Variants in BAZ2B observed in about 807,000 individuals in gnomAD.
BAZ2B encodes bromodomain adjacent to zinc finger domain 2B.
A neutral mutation model predicts 246.0 loss-of-function variants in BAZ2B; 91 were observed. The observed-to-expected ratio is 0.37, with a 90% CI of 0.31 to 0.44. The LOEUF is 0.44. Ranked by LOEUF, BAZ2B falls within the 20% of genes least tolerant of loss-of-function variation. The probability of loss-of-function intolerance (pLI) is 1.00; values close to 1 mark genes in which losing one functional copy is unlikely to be tolerated. For missense variants in BAZ2B, 2,332 were observed against 2,533.7 expected (o/e 0.92, Z 1.71); for synonymous variants, 855 against 860.0 (o/e 0.99, Z 0.10).
the BAZ2B span, among the ~76,000 whole-genome samples, chr2:159,682,912 C>G: frequency 5.3e-5 from 7 of 131,602 alleles, no homozygotes; most frequent in African/African-American, 1.9e-4. Flanking sequence ...CCACCCCTCC[C>G]CCCCCCCACA....
At chr2:159,544,293 G>T (rs1370688614) in intron 2 of BAZ2B, among the ~76,000 whole-genome samples, 3 of 152,094 alleles carry the variant, frequency 2.0e-5, no homozygotes, top group Non-Finnish European at 4.4e-5. Context: ...ATTTACTACA[G>T]GTCAAAAGTT....
intron 18 of BAZ2B, among the ~76,000 whole-genome samples, chr2:159,397,723 C>A (rs770712422): frequency 6.6e-6 from 1 of 152,094 alleles, no homozygotes; most frequent in East Asian, 1.9e-4. Context: ...ATGGTCAGAG[C>A]CTATCAGATA....
At chr2:159,329,422 T>C (rs1309175626) in intron 34 of BAZ2B, among the ~76,000 whole-genome samples, 1 of 152,116 alleles carries the variant, frequency 6.6e-6, no homozygotes, top group Non-Finnish European at 1.5e-5. Context: ...AGCTAATCCC[T>C]TGCAGATTTG....
At chr2:159,340,817 C>A (rs752621149) in intron 31 of BAZ2B, among the ~76,000 whole-genome samples, 1 of 151,918 alleles carries the variant, frequency 6.6e-6, no homozygotes, top group Non-Finnish European at 1.5e-5. Context: ...AAATATGAAA[C>A]TATAAAACTC....
At chr2:159,609,607 C>G (rs1443604372) in intron 1 of BAZ2B, among the ~76,000 whole-genome samples, 1 of 152,058 alleles carries the variant, frequency 6.6e-6, no homozygotes, top group Non-Finnish European at 1.5e-5. Context: ...GTTGTATAAT[C>G]TAGGTTTGTT....
intron 27 of BAZ2B, among the ~76,000 whole-genome samples, chr2:159,359,575 A>T (rs1271558719): frequency 6.6e-6 from 1 of 152,230 alleles, no homozygotes; most frequent in Non-Finnish European, 1.5e-5. Flanking sequence ...CCAACAATAG[A>T]AAAGGAGGGA....
chr2:159,331,569 G>GT (rs1437302138), intron 34 of BAZ2B, among the ~76,000 whole-genome samples: 1 of 152,114 alleles, frequency 6.6e-6, no homozygotes, highest in Non-Finnish European at 1.5e-5. Flanking sequence ...TAGAGATGGG[G>GT]TTTTGCCATG....
chr2:159,709,087 A>C, the BAZ2B span, among the ~76,000 whole-genome samples: 1 of 152,086 alleles, frequency 6.6e-6, no homozygotes. Flanking sequence ...ATGGACCTTT[A>C]AGTAATATAT....
At chr2:159,637,654 C>T in the BAZ2B span, among the ~76,000 whole-genome samples, 1 of 152,146 alleles carries the variant, frequency 6.6e-6, no homozygotes, top group African/African-American at 2.4e-5. Context: ...ACCTCCCACA[C>T]TCAAGCAATC....
chr2:159,524,459 CA>C (rs1268369187), intron 2 of BAZ2B, among the ~76,000 whole-genome samples: 1 of 151,922 alleles, frequency 6.6e-6, no homozygotes, highest in African/African-American at 2.4e-5. Flanking sequence ...ATCTCAAAAA[CA>C]AAACAACAAA....
At chr2:159,421,822 A>G (rs1461108376) in intron 13 of BAZ2B, among the ~76,000 whole-genome samples, 1 of 152,202 alleles carries the variant, frequency 6.6e-6, no homozygotes, top group Non-Finnish European at 1.5e-5. Context: ...AGACAATATG[A>G]TTCTATACCT....
At chr2:159,524,309 G>T (rs1013563217) in intron 2 of BAZ2B, among the ~76,000 whole-genome samples, 36 of 152,152 alleles carry the variant, frequency 2.4e-4, no homozygotes, top group African/African-American at 4.8e-4. Context: ...AATAAAATTA[G>T]CCAGGCATGG....
Position 159,392,743 on chromosome 2 carries a change from G to A in BAZ2B, c.3075+3026C>T, listed in dbSNP as rs566354538. 3.9e-5 allele frequency among the ~76,000 whole-genome samples: 6 copies of A among 152,190 alleles called. No homozygotes were observed. The South Asian group carries it at 6.2e-4, about 16-fold the overall frequency. ...GCCATGGCATATAAAAATTATTTGA[G>A]CATTTATAAATTTGCTGAATGATTA... is the stretch of plus-strand genomic sequence containing the variant. On this transcript the variant is annotated intron_variant, in intron 20 of 36. Transcript: ENST00000392783.
intron 23 of BAZ2B, among the ~76,000 whole-genome samples, chr2:159,384,045 T>C (rs542848988): frequency 1.3e-5 from 2 of 152,136 alleles, no homozygotes; most frequent in South Asian, 4.1e-4. Context: ...AGAACACACA[T>C]GGATATTTAC....
chr2:159,518,413 T>C (rs2083670902), intron 2 of BAZ2B, among the ~76,000 whole-genome samples: 2 of 152,216 alleles, frequency 1.3e-5, no homozygotes, highest in Admixed American at 1.3e-4. Context: ...ATTCTTTAAC[T>C]GGACCTGGTA....
In BAZ2B at chr2:159,385,071, A is replaced by G. The variant is rs1338723951; in HGVS notation, c.3686+84T>C. 4 of 1,420,128 alleles carry G rather than the reference A, an allele frequency of 2.8e-6. No individual in the cohort carries two copies. In the African/African-American group the frequency reaches 5.7e-5, roughly 20 times the overall value. 88.0% of individuals were successfully genotyped at this position (1,420,128 alleles called of 1,614,324 possible). A position where few individuals can be genotyped will look rare whatever the true frequency, so the allele number is the denominator to read the frequency against. Reference sequence around the variant, plus strand: ...CTTTGTGCTAGTCTGTAACTTTCCAATTTTCTATAATCAATTTGTATTACT... The same window carrying G: ...CTTTGTGCTAGTCTGTAACTTTCCAGTTTTCTATAATCAATTTGTATTACT... On this transcript the variant is annotated intron_variant, in intron 23 of 36. Coordinates refer to ENST00000392783, the MANE Select transcript of BAZ2B (RefSeq NM_013450.4).
Position 159,385,366 on chromosome 2 carries a change from T to C in BAZ2B, c.3475A>G (p.Lys1159Glu), listed in dbSNP as rs2062507329. The change falls in exon 23 of 37, where the codon AAA becomes GAA. Residue 1159 changes from lysine to glutamate, a missense_variant. Coordinates refer to ENST00000392783, the MANE Select transcript of BAZ2B (RefSeq NM_013450.4). ...DPGLITGYKAKTALGEHLLNV... is the reference protein window; with the variant it reads ...DPGLITGYKAETALGEHLLNV... Reference sequence around the variant, plus strand: ...AGCAAATGTTCTCCAAGAGCTGTTTTAGCCTATAAAAGTTTGGCATTTTTA... The same window carrying C: ...AGCAAATGTTCTCCAAGAGCTGTTTCAGCCTATAAAAGTTTGGCATTTTTA... 6.2e-7 allele frequency: 1 copy of C among 1,611,702 alleles called. No homozygotes were observed. The highest frequency in any genetic ancestry group is 1.1e-5 in the South Asian group (1 of 91,002).
chr2:159,706,345 G>A, the BAZ2B span, among the ~76,000 whole-genome samples: 2 of 152,088 alleles, frequency 1.3e-5, no homozygotes, highest in African/African-American at 4.8e-5. Context: ...ACACAAATGT[G>A]GACACGAAAA....
At chr2:159,348,319 CAAAAAAAAAAA>C (rs541304274) in intron 30 of BAZ2B, among the ~76,000 whole-genome samples, 2 of 27,152 alleles carry the variant, frequency 7.4e-5, no homozygotes, top group Non-Finnish European at 2.1e-4. Flanking sequence ...GACTCTCTCA[CAAAAAAAAAAA>C]AAAAAAAAAA....
Sources: allele counts gnomAD v4.1 joint callset (sites outside exome capture counted in the v4.1 genomes callset), GRCh38; gene constraint gnomAD v4.1.1; transcripts MANE v1.5; gene names NCBI Gene and HGNC (gene_info 2026-07-23, HGNC 2026-07-21).